Variants in RICTOR observed in about 807,000 individuals in gnomAD.
The protein encoded by RICTOR is RPTOR independent companion of MTOR complex 2.
Under a neutral mutation model 214.9 loss-of-function variants are expected in RICTOR, and 49 were observed. That is an observed-to-expected ratio of 0.23 (90% CI 0.18 to 0.29). The LOEUF is 0.29. Ranked by LOEUF, RICTOR falls within the 10% of genes least tolerant of loss-of-function variation. RICTOR has a pLI of 1.00. For missense variants in RICTOR, 1,625 were observed against 2,047.0 expected, an observed-to-expected ratio of 0.79 and a Z score of 3.98; for synonymous variants, 717 against 711.3, an observed-to-expected ratio of 1.01 and a Z score of -0.13.
intron 3 of RICTOR, among the ~76,000 whole-genome samples, chr5:39,007,142 G>A (rs1295005519): frequency 6.6e-6 from 1 of 152,102 alleles, no homozygotes; most frequent in Non-Finnish European, 1.5e-5. Context: ...GTAAGAAAAA[G>A]GTTAAGGCAC....
intron 2 of RICTOR, among the ~76,000 whole-genome samples, chr5:39,062,499 GA>G (rs948889998): frequency 1.1e-4 from 17 of 151,446 alleles, no homozygotes; most frequent in Non-Finnish European, 1.5e-4. Context: ...AATTATGAGT[GA>G]AAAAAAGTGT....
chr5:39,038,802 C>A (rs924139253), intron 2 of RICTOR, among the ~76,000 whole-genome samples: 2 of 151,982 alleles, frequency 1.3e-5, no homozygotes, highest in African/African-American at 4.8e-5. Context: ...AACCACTGCT[C>A]AATGAAATAA....
intron 30 of RICTOR, 27 bp from the exon 31 acceptor site, chr5:38,950,747 AAC>A (rs768689340): frequency 6.6e-7 from 1 of 1,519,884 alleles, no homozygotes. Context: ...AATTAATAAA[AAC>A]ACATATAAAA....
At chr5:38,985,915 C>T (rs1239258) in intron 7 of RICTOR, among the ~76,000 whole-genome samples, 145,332 of 152,180 alleles carry the variant, frequency 0.96, 69,526 homozygotes, top group East Asian at 0.99. Flanking sequence ...AGGCTAGTCT[C>T]GAACTCCTGA....
In RICTOR at chr5:38,974,173, C is replaced by A. The variant is rs144385733; in HGVS notation, c.889+1364G>T. Among the ~76,000 whole-genome samples the A allele has an allele frequency of 3.2e-3, 484 of 152,076 alleles. 6 individuals carry two copies. Among genetic ancestry groups the A allele is most frequent in the African/African-American group, 0.011 (467 of 41,444 alleles). On this transcript the variant is annotated intron_variant, in intron 10 of 37. Transcript: ENST00000357387. The stretch of plus-strand genomic sequence containing the variant: ...CAAGCAATTCTCCTGCTGCAGCCTC[C>A]CGAGTAGCTGGGATTACAGGTGCCC...
intron 3 of RICTOR, among the ~76,000 whole-genome samples, chr5:39,004,061 A>C (rs1436440793): frequency 6.6e-6 from 1 of 152,118 alleles, no homozygotes; most frequent in African/African-American, 2.4e-5. Context: ...TCTTTTAAAA[A>C]CTATACCGTA....
intron 12 of RICTOR, 72 bp from the exon 13 acceptor site, chr5:38,967,499 CAGCT>C: frequency 8.9e-7 from 1 of 1,121,250 alleles, no homozygotes; most frequent in Non-Finnish European, 1.3e-6. Flanking sequence ...ATAAAACCAT[CAGCT>C]AGCCAGGCTA....
chr5:39,006,244 AGCTTCCT>A (rs1319844049), intron 3 of RICTOR, among the ~76,000 whole-genome samples: 1 of 152,342 alleles, frequency 6.6e-6, no homozygotes, highest in Middle Eastern at 3.4e-3. Context: ...TTGCCCGAGC[AGCTTCCT>A]GCTGCCTTCA....
At position 38,946,388 on chromosome 5, in the gene RICTOR, T is replaced by C; in HGVS notation, c.4399+80A>G. 4.7e-6 allele frequency: 4 copies of C among 849,154 alleles called. 1 individual carries two copies. In the South Asian group the frequency reaches 6.4e-5, roughly 14 times the overall value. The allele number at this position is 849,154 out of a possible 1,614,324, so 52.6% of individuals were successfully genotyped here. Reference sequence around the variant, plus strand: ...AAAGTGAGTCTTCCTAAATTTTTAGTGTTATCCTACTAGAAAGAACTAAGA... The same window carrying C: ...AAAGTGAGTCTTCCTAAATTTTTAGCGTTATCCTACTAGAAAGAACTAAGA... On this transcript the variant is annotated intron_variant, in intron 33 of 37. Coordinates refer to ENST00000357387, the MANE Select transcript of RICTOR (RefSeq NM_152756.5).
chr5:38,944,894 T>C lies in RICTOR; in HGVS notation c.4789+19A>G. On this transcript the variant is annotated intron_variant, in intron 35 of 37. Coordinates refer to ENST00000357387, the MANE Select transcript of RICTOR (RefSeq NM_152756.5). Reference sequence around the variant, plus strand: ...AACAGTTTTACTAATAATGATTGGATTTGAATCTGAAGACTCACCTAGTAA... The same window carrying C: ...AACAGTTTTACTAATAATGATTGGACTTGAATCTGAAGACTCACCTAGTAA... The C allele has an allele frequency of 1.9e-6, 3 of 1,609,098 alleles. No individual in the cohort carries two copies. The highest frequency in any genetic ancestry group is 1.7e-6 in the Non-Finnish European group (2 of 1,175,858).
chr5:39,029,042 G>C (rs1394012664), intron 2 of RICTOR, among the ~76,000 whole-genome samples: 1 of 152,130 alleles, frequency 6.6e-6, no homozygotes, highest in Non-Finnish European at 1.5e-5. Flanking sequence ...AATATAAGCA[G>C]AAGTAATCTA....
At chr5:39,005,246 C>A (rs549722125) in intron 3 of RICTOR, among the ~76,000 whole-genome samples, 1 of 152,224 alleles carries the variant, frequency 6.6e-6, no homozygotes, top group South Asian at 2.1e-4. Flanking sequence ...AAATTCTATA[C>A]AATATATTTT....
In RICTOR at chr5:38,954,365, A is replaced by G. The variant is rs190942716; in HGVS notation, c.2697+409T>C. 1.7e-3 allele frequency among the ~76,000 whole-genome samples: 262 copies of G among 151,976 alleles called. 1 individual carries two copies. The highest frequency in any genetic ancestry group is 6.1e-3 in the African/African-American group (251 of 41,486). ...AATGTGCTCACAACCAGCAACTTTC[A>G]ATTTATTGCTCAACAAGGATAACTT... On this transcript the variant is annotated intron_variant, in intron 27 of 37. Coordinates refer to ENST00000357387, the MANE Select transcript of RICTOR (RefSeq NM_152756.5).
At chr5:39,002,490 C>T in intron 5 of RICTOR, 45 bp downstream of exon 5, 1 of 1,419,552 alleles carries the variant, frequency 7.0e-7, no homozygotes, top group Non-Finnish European at 9.7e-7. Flanking sequence ...GCTAAAAACT[C>T]AACACAAAAT....
In RICTOR at chr5:39,002,398, G is replaced by GTATA. The variant is rs1426246316; in HGVS notation, c.392+136_392+137insTATA. On this transcript the variant is annotated intron_variant, in intron 5 of 37. Transcript: ENST00000357387. ...GTTACTTGGTTGTGTGTGTGTGTGT[G>GTATA]TGTATATATATATATATACACACAC... 6.7e-4 allele frequency: 315 copies of GTATA among 468,036 alleles called. 1 individual carries two copies. The African/African-American group carries it at 8.4e-3, about 12-fold the overall frequency. 29.0% of individuals were successfully genotyped at this position (468,036 alleles called of 1,614,324 possible).
intron 6 of RICTOR, among the ~76,000 whole-genome samples, chr5:38,994,243 G>A (rs1291096393): frequency 6.6e-6 from 1 of 151,160 alleles, no homozygotes; most frequent in Non-Finnish European, 1.5e-5. Context: ...TGTACAAGGT[G>A]TATATGAAAT....
intron 25 of RICTOR, among the ~76,000 whole-genome samples, chr5:38,956,148 C>T (rs1353551074): frequency 2.0e-5 from 3 of 152,028 alleles, no homozygotes; most frequent in African/African-American, 4.8e-5. Flanking sequence ...CCAGAAAATG[C>T]GTCCTCATCT....
chr5:38,970,422 TCCAGTTGG>T (rs368613752), intron 11 of RICTOR: 6 of 152,214 alleles, frequency 3.9e-5, no homozygotes, highest in African/African-American at 1.4e-4. Flanking sequence ...GAGGTTAAAC[TCCAGTTGG>T]TCAGACTCTC....
chr5:38,960,819 G>A (rs1345745625), intron 19 of RICTOR, among the ~76,000 whole-genome samples: 4 of 151,996 alleles, frequency 2.6e-5, no homozygotes, highest in Non-Finnish European at 5.9e-5. Context: ...TGCTGTTCTC[G>A]TGACAGTGAG....
Sources: gnomAD v4.1 joint callset for allele counts (sites outside exome capture counted in the v4.1 genomes callset) on GRCh38, gnomAD v4.1.1 for gene constraint, MANE v1.5 for transcripts, NCBI Gene and HGNC (gene_info 2026-07-23, HGNC 2026-07-21) for gene names.